The following ADGRD1 variants were observed in gnomAD, a reference collection of about 807,000 sequenced individuals.
ADGRD1 encodes the protein G-protein coupled receptor 133.
Under a neutral mutation model 113.4 loss-of-function variants are expected in ADGRD1, and 77 were observed. That is an observed-to-expected ratio of 0.68 (90% confidence interval 0.57 to 0.82). The LOEUF (loss-of-function observed/expected upper bound fraction) is 0.82. Ranked by LOEUF, ADGRD1 falls within the 40% of genes least tolerant of loss-of-function variation. ADGRD1 has a pLI of 0.00. For missense variants in ADGRD1, 1,036 were observed against 1,139.1 expected, an observed-to-expected ratio of 0.91 and a Z score of 1.30; for synonymous variants, 474 against 475.0, an observed-to-expected ratio of 1.00 and a Z score of 0.03.
intron 2 of ADGRD1, among the ~76,000 whole-genome samples, chr12:130,963,319 CAAAAAAAAAAAAAAAAAAA>C: frequency 1.3e-5 from 1 of 75,050 alleles, no homozygotes; most frequent in Non-Finnish European, 2.5e-5. Context: ...GACTCCGTCT[CAAAAAAAAAAAAAAAAAAA>C]AAAAGAAAGA....
Position 130,997,980 on chromosome 12 carries a change from T to C in ADGRD1, c.967-2403T>C, listed in dbSNP as rs535463738. 2.0e-5 allele frequency among the ~76,000 whole-genome samples: 3 copies of C among 152,124 alleles called. No individual in the cohort carries two copies. The East Asian group carries it at 5.8e-4, about 29-fold the overall frequency. On this transcript the variant is annotated intron_variant, in intron 8 of 24. Transcript: ENST00000261654. ...ACCTCCGGAGGCTGAGGCTGGCGGA[T>C]CACTCGCGGTTAGGAGCTGGAGACC...
chr12:131,068,739 G>A (rs1884919798), intron 13 of ADGRD1, among the ~76,000 whole-genome samples: 1 of 152,196 alleles, frequency 6.6e-6, no homozygotes, highest in African/African-American at 2.4e-5. Flanking sequence ...TGAATGGATT[G>A]GATCTTTTGA....
intron 4 of ADGRD1, among the ~76,000 whole-genome samples, chr12:130,972,645 CGTGAGCTCGGT>C (rs986484309): frequency 6.6e-6 from 1 of 151,816 alleles, no homozygotes; most frequent in Non-Finnish European, 1.5e-5. Flanking sequence ...ATGGGCTCGG[CGTGAGCTCGGT>C]GGCAGGGGCG....
chr12:131,109,223 TTTC>T (rs1461628406), intron 18 of ADGRD1, among the ~76,000 whole-genome samples: 2 of 152,220 alleles, frequency 1.3e-5, no homozygotes, highest in African/African-American at 2.4e-5. Flanking sequence ...TTGGTTTGAT[TTTC>T]TTTTTTGTTT....
At chr12:131,013,124 C>G (rs931759979) in intron 12 of ADGRD1, among the ~76,000 whole-genome samples, 5 of 152,180 alleles carry the variant, frequency 3.3e-5, no homozygotes, top group Non-Finnish European at 7.3e-5. Flanking sequence ...TTCCCTCACC[C>G]TCCTCCTGGC....
rs777560753 is a variant in ADGRD1 at position 131,104,891 on chromosome 12, G to C, written c.1732G>C (p.Val578Leu). 1.3e-6 allele frequency: 2 copies of C among 1,551,400 alleles called. No homozygotes were observed. The highest frequency in any genetic ancestry group is 3.9e-5 in the Admixed American group (2 of 51,102). Reference protein sequence around the residue: ...SISYVGCSLSVLCLVATLVTF... With the variant: ...SISYVGCSLSLLCLVATLVTF... ...CAGCTATGTGGGCTGCTCCCTCTCC[G>C]TGCTCTGCCTGGTGGCCACGCTGGT... Residue 578 changes from valine (V) to leucine (L), a missense_variant, in exon 16 of 25, where the codon GTG becomes CTG. By Grantham distance (32) the Val-to-Leu change is conservative. Transcript: ENST00000261654.
At chr12:131,042,979 C>T (rs141016440) in intron 13 of ADGRD1, among the ~76,000 whole-genome samples, 3 of 152,250 alleles carry the variant, frequency 2.0e-5, no homozygotes, top group African/African-American at 4.8e-5. Flanking sequence ...CGGCCCTCCC[C>T]GCCCTGCGGC....
At chr12:131,014,577 C>G (rs115354133) in intron 13 of ADGRD1, among the ~76,000 whole-genome samples, 10 of 152,154 alleles carry the variant, frequency 6.6e-5, no homozygotes, top group African/African-American at 2.2e-4. Context: ...GAAGAGGCGT[C>G]GAGGTGGCTC....
rs1874511177 is a variant in ADGRD1 at position 130,992,275 on chromosome 12, G to A, written c.849G>A (p.Leu283=). 2 of 1,613,778 alleles carry A rather than the reference G, an allele frequency of 1.2e-6. No individual in the cohort carries two copies. The highest frequency in any genetic ancestry group is 1.7e-6 in the Non-Finnish European group (2 of 1,179,852). The change falls in exon 8 of 25, where the codon CTG becomes CTA. Residue 283 remains leucine (L), a synonymous_variant. Transcript: ENST00000261654. The part of the protein sequence containing the change: ...TDAYHPIITN[L]TEERKTFQSP... ...CCTACCATCCCATCATAACCAACCT[G>A]ACAGAAGAGAGAAAAACCTTCCAAA...
rs1876700706 is a variant in ADGRD1, at chr12:131,003,741, A to C, written c.1144+439A>C. 6.6e-6 allele frequency among the ~76,000 whole-genome samples: 1 copy of C among 152,232 alleles called. No homozygotes were observed. ...TAAAAGTCTTTACCAGGAGTGCATTATCCTGCTGATACTTCGCTGCAAGAG... is the reference window on the plus strand; with the variant it reads ...TAAAAGTCTTTACCAGGAGTGCATTCTCCTGCTGATACTTCGCTGCAAGAG... On this transcript the variant is annotated intron_variant, in intron 10 of 24. Transcript: ENST00000261654. The surrounding 1 kb of genome is among the most constrained non-coding windows in gnomAD (Gnocchi z 4.8).
intron 20 of ADGRD1, among the ~76,000 whole-genome samples, chr12:131,124,670 C>G (rs977131960): frequency 9.5e-6 from 1 of 105,496 alleles, no homozygotes; most frequent in Non-Finnish European, 2.5e-5. Context: ...ACACTGCCCA[C>G]CGCCCCTTCT....
At chr12:130,957,077 C>T (rs888979896) in intron 2 of ADGRD1, 2 of 152,276 alleles carry the variant, frequency 1.3e-5, no homozygotes, top group Admixed American at 6.5e-5. Flanking sequence ...ACACATGTGT[C>T]CACACAATTC....
intron 5 of ADGRD1, among the ~76,000 whole-genome samples, chr12:130,985,161 T>G (rs1873502212): frequency 6.6e-6 from 1 of 151,666 alleles, no homozygotes; most frequent in African/African-American, 2.4e-5. Flanking sequence ...GGTCTCAAAC[T>G]CCTGGCTTCA....
intron 14 of ADGRD1, among the ~76,000 whole-genome samples, chr12:131,081,180 T>G (rs1886043783): frequency 6.6e-6 from 1 of 152,122 alleles, no homozygotes; most frequent in African/African-American, 2.4e-5. Context: ...ATATTTAAAG[T>G]GAGTTTCTTT....
chr12:131,043,210 G>C (rs889207380), intron 13 of ADGRD1, among the ~76,000 whole-genome samples: 1 of 152,220 alleles, frequency 6.6e-6, no homozygotes, highest in Non-Finnish European at 1.5e-5. Context: ...CATTTTCTCA[G>C]ATGGCCTCCT....
At chr12:131,014,820 C>G (rs560675536) in intron 13 of ADGRD1, among the ~76,000 whole-genome samples, 121 of 152,348 alleles carry the variant, frequency 7.9e-4, no homozygotes, top group African/African-American at 2.7e-3. Context: ...CCGCTCTCCT[C>G]TCCACATGTC....
intron 12 of ADGRD1, among the ~76,000 whole-genome samples, chr12:131,013,945 T>C (rs1878241555): frequency 6.6e-6 from 1 of 152,176 alleles, no homozygotes; most frequent in African/African-American, 2.4e-5. Flanking sequence ...CGTCACACCT[T>C]AACGAGAGCA....
chr12:130,954,362 C>A lies in ADGRD1; in HGVS notation c.-104C>A. The A allele has an allele frequency of 9.8e-7, 1 of 1,021,794 alleles. No homozygotes were observed. The highest frequency in any genetic ancestry group is 1.4e-6 in the Non-Finnish European group (1 of 696,980). The allele number at this position is 1,021,794 out of a possible 1,614,324, so 63.3% of individuals were successfully genotyped here. The stretch of plus-strand genomic sequence containing the variant: ...AGACAGAAATTTTCTCCCCTGGAAC[C>A]TGTGAAAATGTCCCTTTTCCAAGGA... On this transcript the variant is annotated 5_prime_UTR_variant, in exon 1 of 25. It adds an upstream start codon to the 5' untranslated region. Transcript: ENST00000261654. This position sits in a 1 kb window ranked among gnomAD's most constrained non-coding sequence, Gnocchi z 4.7.
intron 13 of ADGRD1, among the ~76,000 whole-genome samples, chr12:131,015,676 T>G (rs2136825175): frequency 6.8e-6 from 1 of 146,108 alleles, no homozygotes; most frequent in African/African-American, 2.5e-5. Flanking sequence ...ATGAGACTGG[T>G]CACCTCAGCC....
Sources: gnomAD v4.1 joint callset for allele counts (sites outside exome capture counted in the v4.1 genomes callset) on GRCh38, gnomAD v4.1.1 for gene constraint, Gnocchi (gnomAD v3.1) non-coding constraint, MANE v1.5 for transcripts, NCBI Gene and HGNC (gene_info 2026-07-23, HGNC 2026-07-21) for gene names.